MORC1: variants seen among roughly 807,000 people sequenced by gnomAD.
The protein encoded by MORC1 is MORC family CW-type zinc finger protein 1.
A neutral mutation model predicts 134.9 loss-of-function variants in MORC1; 59 were observed. The observed-to-expected ratio is 0.44, with a 90% CI of 0.35 to 0.54. The LOEUF (loss-of-function observed/expected upper bound fraction) is 0.54. MORC1 is among the 20% of genes least tolerant of loss of function. The probability of loss-of-function intolerance (pLI) is 0.00; values close to 1 mark genes in which losing one functional copy is unlikely to be tolerated. For synonymous variants in MORC1, 395 were observed against 391.7 expected, an observed-to-expected ratio of 1.01 and a Z score of -0.10; for missense variants, 947 against 1,134.5, an observed-to-expected ratio of 0.83 and a Z score of 2.37.
Position 108,972,546 on chromosome 3 carries a change from T to C in MORC1, c.2478-1144A>G, listed in dbSNP as rs534956849. Among the ~76,000 whole-genome samples, 3 of 152,330 alleles carry C rather than the reference T, an allele frequency of 2.0e-5. No homozygotes were observed. In the South Asian group the frequency reaches 6.2e-4, roughly 32 times the overall value. ...ACATACAACACTCCTTAGAGTTATT[T>C]GTCTGGCTAGCAAGAAGATAAATGG... is the stretch of plus-strand genomic sequence containing the variant. On this transcript the variant is annotated intron_variant, in intron 24 of 27. Transcript: ENST00000232603.
intron 17 of MORC1, among the ~76,000 whole-genome samples, chr3:109,025,760 T>A (rs1949060877): frequency 6.6e-6 from 1 of 152,164 alleles, no homozygotes; most frequent in Non-Finnish European, 1.5e-5. Flanking sequence ...TCAGTTACAA[T>A]AAGAAAACAC....
intron 13 of MORC1, among the ~76,000 whole-genome samples, chr3:109,056,891 G>C (rs140080563): frequency 6.6e-6 from 1 of 152,104 alleles, no homozygotes; most frequent in African/African-American, 2.4e-5. Flanking sequence ...AATGTATTAC[G>C]CTAAAATCCA....
intron 12 of MORC1, among the ~76,000 whole-genome samples, chr3:109,058,396 A>G (rs1172186874): frequency 6.6e-6 from 1 of 152,150 alleles, no homozygotes; most frequent in Non-Finnish European, 1.5e-5. Context: ...TTACCCAATC[A>G]AGAATGACAC....
At chr3:109,020,379 A>AC (rs1385626340) in intron 17 of MORC1, among the ~76,000 whole-genome samples, 1 of 152,202 alleles carries the variant, frequency 6.6e-6, no homozygotes, top group Non-Finnish European at 1.5e-5. Flanking sequence ...ATGTGTCAGG[A>AC]GACCTTACAC....
chr3:108,986,007 GCAA>G (rs1947884084), intron 22 of MORC1, among the ~76,000 whole-genome samples: 1 of 152,096 alleles, frequency 6.6e-6, no homozygotes, highest in African/African-American at 2.4e-5. Context: ...GGTTACCTAA[GCAA>G]CAAAGTATGA....
intron 24 of MORC1, among the ~76,000 whole-genome samples, chr3:108,975,543 G>A (rs1045248323): frequency 1.3e-5 from 2 of 152,088 alleles, no homozygotes; most frequent in African/African-American, 2.4e-5. Flanking sequence ...GGACTGTGAG[G>A]TCAGATTGCC....
rs1439067400 is a variant in MORC1, at chr3:108,961,802, A to G, written c.2799+1612T>C. On this transcript the variant is annotated intron_variant, in intron 27 of 27. Transcript: ENST00000232603. ...GCTTAAGAACCTAGAGGTTTGGCAG[A>G]GAAGGAGTAGTAAACGATTATTCTT... Among the ~76,000 whole-genome samples the G allele has an allele frequency of 2.0e-5, 3 of 152,254 alleles. No homozygotes were observed. The East Asian group carries it at 5.8e-4, about 29-fold the overall frequency.
chr3:109,095,224 A>G (rs527631871), intron 6 of MORC1, among the ~76,000 whole-genome samples, 156 bp from the exon 7 acceptor site: 35 of 152,374 alleles, frequency 2.3e-4, no homozygotes, highest in African/African-American at 8.4e-4. Context: ...TAAGAGACAC[A>G]TAACAAATGT....
At chr3:109,092,652 C>A (rs577709217) in intron 8 of MORC1, among the ~76,000 whole-genome samples, 2 of 152,024 alleles carry the variant, frequency 1.3e-5, no homozygotes, top group South Asian at 2.1e-4. Context: ...TAAATAAAAT[C>A]ATTATTAAAA....
In MORC1 at chr3:108,958,447, A is replaced by G. The variant is rs981034700; in HGVS notation, c.*518T>C. On this transcript the variant is annotated 3_prime_UTR_variant, in exon 28 of 28. Transcript: ENST00000232603. ...TTTACTATGACTAAATAATAAAATT[A>G]TATAAGCTATGTCTCAAAGTTTTGG... is the stretch of plus-strand genomic sequence containing the variant. The G allele has an allele frequency of 7.2e-5, 11 of 152,128 alleles. No homozygotes were observed. The highest frequency in any genetic ancestry group is 2.1e-4 in the South Asian group (1 of 4,834). 9.4% of individuals were successfully genotyped at this position (152,128 alleles called of 1,614,324 possible).
chr3:109,092,935 T>C (rs1950759497), intron 8 of MORC1, among the ~76,000 whole-genome samples: 2 of 152,242 alleles, frequency 1.3e-5, no homozygotes, highest in African/African-American at 2.4e-5. Context: ...CGCTTTTTCA[T>C]GCAGAAAATA....
chr3:109,076,291 C>T (rs1030688208), intron 8 of MORC1, among the ~76,000 whole-genome samples: 15 of 152,106 alleles, frequency 9.9e-5, no homozygotes, highest in Middle Eastern at 3.2e-3. Flanking sequence ...TACCATCTCA[C>T]GCCAGGTAGA....
At chr3:109,117,132 T>C (rs187096096) in intron 1 of MORC1, among the ~76,000 whole-genome samples, 4 of 152,240 alleles carry the variant, frequency 2.6e-5, no homozygotes, top group Non-Finnish European at 5.9e-5. Context: ...TTGACATCAT[T>C]CTCTAAAGAG....
intron 14 of MORC1, among the ~76,000 whole-genome samples, chr3:109,053,616 G>T (rs1949881668): frequency 6.6e-6 from 1 of 152,078 alleles, no homozygotes; most frequent in Non-Finnish European, 1.5e-5. Flanking sequence ...AGACACTGAG[G>T]AATATAAAAG....
chr3:109,093,338 C>T, intron 8 of MORC1, 98 bp downstream of exon 8: 1 of 867,420 alleles, frequency 1.2e-6, no homozygotes, highest in Non-Finnish European at 1.8e-6. Flanking sequence ...TGTCCCAGTG[C>T]TAAAACCCAG....
chr3:109,039,358 A>T (rs1949457087), intron 14 of MORC1, among the ~76,000 whole-genome samples: 1 of 152,238 alleles, frequency 6.6e-6, no homozygotes, highest in African/African-American at 2.4e-5. Context: ...AAACTTTCTC[A>T]TCTATCAAGT....
At chr3:109,055,396 A>C (rs1176388531) in intron 13 of MORC1, among the ~76,000 whole-genome samples, 1 of 152,212 alleles carries the variant, frequency 6.6e-6, no homozygotes, top group Non-Finnish European at 1.5e-5. Context: ...TGGTGACATA[A>C]CCTGCTTTGG....
At chr3:108,982,751 G>GAAGA (rs1477267626) in intron 23 of MORC1, among the ~76,000 whole-genome samples, 1 of 138,008 alleles carries the variant, frequency 7.2e-6, no homozygotes, top group Non-Finnish European at 1.6e-5. Context: ...AGAAGAAGAA[G>GAAGA]AAGAAAGAAA....
At chr3:109,035,845 AATT>A (rs773802132) in intron 14 of MORC1, among the ~76,000 whole-genome samples, 1 of 152,188 alleles carries the variant, frequency 6.6e-6, no homozygotes, top group Non-Finnish European at 1.5e-5. Context: ...GCACTCTTAA[AATT>A]ATTGATAGAA....
Sources: gnomAD v4.1 joint callset for allele counts (sites outside exome capture counted in the v4.1 genomes callset) on GRCh38, gnomAD v4.1.1 for gene constraint, MANE v1.5 for transcripts, NCBI Gene and HGNC (gene_info 2026-07-23, HGNC 2026-07-21) for gene names.